Variants in GUCY1A1 observed in about 807,000 individuals in gnomAD.
GUCY1A1 encodes the protein guanylate cyclase 1 soluble subunit alpha 1, also known as guanylate cyclase soluble subunit alpha-1.
GUCY1A1 carries 48 observed loss-of-function variants against 64.5 expected under a neutral mutation model. That is an observed-to-expected ratio of 0.74 (90% CI 0.59 to 0.95). The LOEUF is 0.95. GUCY1A1 is among the 40% of genes least tolerant of loss of function. GUCY1A1 has a pLI of 0.00. For missense variants in GUCY1A1, 804 were observed against 825.3 expected, an observed-to-expected ratio of 0.97 and a Z score of 0.32; for synonymous variants, 308 against 303.4, an observed-to-expected ratio of 1.02 and a Z score of -0.16.
intron 2 of GUCY1A1, chr4:155,667,963 G>C (rs1225275549): frequency 6.6e-6 from 1 of 152,376 alleles, no homozygotes; most frequent in Non-Finnish European, 1.5e-5. Context: ...CACAGCAAAA[G>C]CTGCGATCGC....
chr4:155,678,631 G>A (rs2126578370), intron 2 of GUCY1A1, among the ~76,000 whole-genome samples: 1 of 152,326 alleles, frequency 6.6e-6, no homozygotes, highest in South Asian at 2.1e-4. Flanking sequence ...TTTGTAGCCA[G>A]GGAGGGTTCA....
intron 2 of GUCY1A1, among the ~76,000 whole-genome samples, chr4:155,670,620 C>T (rs1734017337): frequency 6.6e-6 from 1 of 152,190 alleles, no homozygotes; most frequent in Non-Finnish European, 1.5e-5. Context: ...GCTTCCCTCT[C>T]AGCCCACAGT....
At chr4:155,723,811 C>T (rs1465769882) in intron 9 of GUCY1A1, among the ~76,000 whole-genome samples, 12 of 151,898 alleles carry the variant, frequency 7.9e-5, no homozygotes, top group East Asian at 1.9e-4. Context: ...TACAGGCGCC[C>T]GCCTCCACGT....
chr4:155,670,683 C>T (rs976036355), intron 2 of GUCY1A1, among the ~76,000 whole-genome samples: 11 of 152,142 alleles, frequency 7.2e-5, no homozygotes, highest in Admixed American at 1.3e-4. Context: ...CAGGCTCTTC[C>T]TTGCCACAAG....
Position 155,696,865 on chromosome 4 carries a change from A to G in GUCY1A1, c.-3A>G, listed in dbSNP as rs766852182. 6.2e-7 allele frequency: 1 copy of G among 1,613,390 alleles called. No homozygotes were observed. The highest frequency in any genetic ancestry group is 1.7e-5 in the Admixed American group (1 of 59,938). Reference sequence around the variant, plus strand: ...TCGCAGCAGGGTAAGAGACACCAACACCATGTTCTGCACGAAGCTCAAGGA... The same window carrying G: ...TCGCAGCAGGGTAAGAGACACCAACGCCATGTTCTGCACGAAGCTCAAGGA... On this transcript the variant is annotated 5_prime_UTR_variant, in exon 3 of 10. Transcript: ENST00000506455.
intron 9 of GUCY1A1, among the ~76,000 whole-genome samples, chr4:155,726,618 C>G (rs1234422570): frequency 6.6e-6 from 1 of 151,842 alleles, no homozygotes; most frequent in Non-Finnish European, 1.5e-5. Flanking sequence ...ATTTAGGACA[C>G]AGAATACATA....
At chr4:155,699,674 T>C (rs1002999572) in intron 3 of GUCY1A1, among the ~76,000 whole-genome samples, 1 of 152,210 alleles carries the variant, frequency 6.6e-6, no homozygotes, top group Non-Finnish European at 1.5e-5. Flanking sequence ...TCTGCTTATC[T>C]TTGATAAATA....
chr4:155,717,817 G>A (rs1228670708), intron 8 of GUCY1A1, among the ~76,000 whole-genome samples: 2 of 152,144 alleles, frequency 1.3e-5, no homozygotes, highest in Non-Finnish European at 2.9e-5. Flanking sequence ...AAAACACAAA[G>A]GCTTCCACAA....
chr4:155,715,080 A>G (rs1322268959), intron 7 of GUCY1A1, among the ~76,000 whole-genome samples: 2 of 152,108 alleles, frequency 1.3e-5, no homozygotes, highest in African/African-American at 4.8e-5. Context: ...TCCTCACTGT[A>G]AGGTATAAGG....
At chr4:155,692,458 A>G (rs967296707) in intron 2 of GUCY1A1, among the ~76,000 whole-genome samples, 3 of 152,136 alleles carry the variant, frequency 2.0e-5, no homozygotes, top group Admixed American at 6.5e-5. Flanking sequence ...CCTTCTCAGC[A>G]TCTGTTATTT....
intron 8 of GUCY1A1, among the ~76,000 whole-genome samples, chr4:155,717,874 A>G (rs368292806): frequency 7.2e-5 from 11 of 152,210 alleles, no homozygotes; most frequent in African/African-American, 2.4e-4. Flanking sequence ...ATCTCATGCA[A>G]CTGTGCATCT....
rs774387420 is a variant in GUCY1A1, at chr4:155,722,195, A to G, written c.1871+3A>G. On this transcript the variant is annotated splice_donor_region_variant and intron_variant, in intron 9 of 9. Coordinates refer to ENST00000506455, the MANE Select transcript of GUCY1A1 (RefSeq NM_001130682.3). Reference sequence around the variant, plus strand: ...AATGTCAGCCCAACAACTTACAGGTAGTAATTATGTTAAACACCTAAAATC... The same window carrying G: ...AATGTCAGCCCAACAACTTACAGGTGGTAATTATGTTAAACACCTAAAATC... 3.2e-5 allele frequency: 51 copies of G among 1,611,066 alleles called. No homozygotes were observed. The South Asian group carries it at 4.6e-4, about 15-fold the overall frequency.
chr4:155,725,723 A>G (rs759738893), intron 9 of GUCY1A1, among the ~76,000 whole-genome samples: 1 of 152,030 alleles, frequency 6.6e-6, no homozygotes, highest in Non-Finnish European at 1.5e-5. Context: ...TCTTCAAAAT[A>G]TAATTCAGGA....
At chr4:155,679,187 T>G (rs78306327) in intron 2 of GUCY1A1, among the ~76,000 whole-genome samples, 12 of 88,692 alleles carry the variant, frequency 1.4e-4, no homozygotes, top group South Asian at 4.9e-4. Context: ...ATATTTCATG[T>G]TTTTTTTTTC....
At chr4:155,693,843 G>A (rs778134378) in intron 2 of GUCY1A1, among the ~76,000 whole-genome samples, 6 of 152,138 alleles carry the variant, frequency 3.9e-5, no homozygotes, top group Non-Finnish European at 4.4e-5. Context: ...GGATTCAGTA[G>A]GAAGATAAGA....
intron 2 of GUCY1A1, among the ~76,000 whole-genome samples, chr4:155,679,758 A>G (rs553199356): frequency 2.6e-5 from 4 of 152,352 alleles, no homozygotes; most frequent in African/African-American, 9.6e-5. Flanking sequence ...TGTATATGGT[A>G]TGATGTGTGG....
rs1735464033 is a variant in GUCY1A1, at chr4:155,730,827, T to C, written c.*596T>C. 1 of 153,272 alleles carries C rather than the reference T, an allele frequency of 6.5e-6. No individual in the cohort carries two copies. Among genetic ancestry groups the C allele is most frequent in the African/African-American group, 2.4e-5 (1 of 41,404 alleles). The allele number at this position is 153,272 out of a possible 1,614,324, so 9.5% of individuals were successfully genotyped here. ...GGTTAGATGCAATATGAATATAAAA[T>C]AGTTCTGTAAATACCAAATATTATT... On this transcript the variant is annotated 3_prime_UTR_variant, in exon 10 of 10. Transcript: ENST00000506455.
intron 8 of GUCY1A1, among the ~76,000 whole-genome samples, chr4:155,718,396 C>A (rs2126915605): frequency 6.6e-6 from 1 of 152,222 alleles, no homozygotes; most frequent in Admixed American, 6.5e-5. Context: ...TGTTTCTGTG[C>A]AACATACTTT....
At chr4:155,728,303 A>G (rs1735022548) in intron 9 of GUCY1A1, among the ~76,000 whole-genome samples, 1 of 151,898 alleles carries the variant, frequency 6.6e-6, no homozygotes, top group Non-Finnish European at 1.5e-5. Context: ...CCACTCTGGC[A>G]GGTTTCAGGC....
Sources: allele counts gnomAD v4.1 joint callset (sites outside exome capture counted in the v4.1 genomes callset), GRCh38; gene constraint gnomAD v4.1.1; transcripts MANE v1.5; gene names NCBI Gene and HGNC (gene_info 2026-07-23, HGNC 2026-07-21).